Variants in HAPLN1 observed in about 807,000 individuals in gnomAD.
HAPLN1 encodes the protein hyaluronan and proteoglycan link protein 1.
HAPLN1 carries 13 observed loss-of-function variants against 36.5 expected under a neutral mutation model. That is an observed-to-expected ratio of 0.36 (90% CI 0.23 to 0.57). HAPLN1 has a LOEUF of 0.57. HAPLN1 is among the 20% of genes least tolerant of loss of function. The pLI is 0.83. For synonymous variants in HAPLN1, 202 were observed against 169.8 expected (o/e 1.19, Z -1.48); for missense variants, 407 against 439.7 (o/e 0.93, Z 0.66).
At chr5:83,684,109 G>T (rs1477483351) in intron 1 of HAPLN1, among the ~76,000 whole-genome samples, 1 of 152,096 alleles carries the variant, frequency 6.6e-6, no homozygotes, top group African/African-American at 2.4e-5. Context: ...CTGAGAATGG[G>T]AGCAATGACT....
At chr5:83,648,818 A>G (rs1038916910) in intron 3 of HAPLN1, among the ~76,000 whole-genome samples, 3 of 152,246 alleles carry the variant, frequency 2.0e-5, no homozygotes, top group East Asian at 3.9e-4. Flanking sequence ...ACGAGAGCTA[A>G]TAAGTGATAA....
intron 1 of HAPLN1, among the ~76,000 whole-genome samples, chr5:83,694,090 C>A (rs1751338420): frequency 6.6e-6 from 1 of 151,690 alleles, no homozygotes; most frequent in South Asian, 2.1e-4. Flanking sequence ...TTACGTGAGG[C>A]AAAATATATT....
In HAPLN1 at chr5:83,660,792, C is replaced by A. The variant is rs553067042; in HGVS notation, c.101-7968G>T. Among the ~76,000 whole-genome samples, 175 of 152,100 alleles carry A rather than the reference C, an allele frequency of 1.2e-3. 2 individuals carry two copies. The highest frequency in any genetic ancestry group is 1.7e-3 in the Non-Finnish European group (118 of 68,032). Reference sequence around the variant, plus strand: ...ATATCTCTTACATTGTGTCACTTAACCTTTCTGTACCTCAGTTTCCTCATC... The same window carrying A: ...ATATCTCTTACATTGTGTCACTTAAACTTTCTGTACCTCAGTTTCCTCATC... On this transcript the variant is annotated intron_variant, in intron 2 of 4. Transcript: ENST00000274341.
chr5:83,665,745 TAG>T (rs1172523767), intron 2 of HAPLN1, among the ~76,000 whole-genome samples: 1 of 152,180 alleles, frequency 6.6e-6, no homozygotes, highest in Non-Finnish European at 1.5e-5. Flanking sequence ...TTGGAAAAGG[TAG>T]AGAGAATTCT....
At chr5:83,710,190 G>A (rs181406163) in intron 1 of HAPLN1, among the ~76,000 whole-genome samples, 1 of 152,308 alleles carries the variant, frequency 6.6e-6, no homozygotes, top group Admixed American at 6.5e-5. Context: ...GTAGATGGAA[G>A]TGCACAGGGA....
At chr5:83,699,253 A>G (rs1015082419) in intron 1 of HAPLN1, among the ~76,000 whole-genome samples, 2 of 152,064 alleles carry the variant, frequency 1.3e-5, no homozygotes, top group African/African-American at 4.8e-5. Context: ...ATTTTTCTCA[A>G]ATGTGTCCAG....
chr5:83,681,273 A>G (rs1483308114), intron 1 of HAPLN1, among the ~76,000 whole-genome samples: 1 of 152,146 alleles, frequency 6.6e-6, no homozygotes, highest in African/African-American at 2.4e-5. Flanking sequence ...TCCCTAGTGA[A>G]TTGGAATTTA....
chr5:83,665,113 C>T (rs1300339028), intron 2 of HAPLN1, among the ~76,000 whole-genome samples: 1 of 151,756 alleles, frequency 6.6e-6, no homozygotes, highest in Admixed American at 6.6e-5. Context: ...CCATATAATA[C>T]TGGAGAAGAA....
chr5:83,640,547 A>T lies in HAPLN1; in HGVS notation c.*949T>A, dbSNP rs1287977941. On this transcript the variant is annotated 3_prime_UTR_variant, in exon 5 of 5. Transcript: ENST00000274341. ...AATGTAATTGATTTTCATATAATGT[A>T]AATATGAAATATTAAATCAGTTTAA... is the stretch of plus-strand genomic sequence containing the variant. 1 of 152,216 alleles carries T rather than the reference A, an allele frequency of 6.6e-6. No homozygotes were observed. Among genetic ancestry groups the T allele is most frequent in the Non-Finnish European group, 1.5e-5 (1 of 68,028 alleles). 9.4% of individuals were successfully genotyped at this position (152,216 alleles called of 1,614,324 possible).
intron 1 of HAPLN1, chr5:83,682,428 T>G: frequency 6.6e-6 from 1 of 152,320 alleles, no homozygotes; most frequent in Middle Eastern, 3.4e-3. Flanking sequence ...TTTATGATCA[T>G]CGATTTACTG....
At chr5:83,712,581 C>T (rs957507665) in intron 1 of HAPLN1, among the ~76,000 whole-genome samples, 1 of 151,816 alleles carries the variant, frequency 6.6e-6, no homozygotes, top group African/African-American at 2.4e-5. Context: ...ATATATTTAT[C>T]TCGCTAGTAA....
Position 83,678,290 on chromosome 5 carries a change from G to GCATA in HAPLN1, c.-26-4745_-26-4742dup, listed in dbSNP as rs1399741287. Among the ~76,000 whole-genome samples, 3 of 151,070 alleles carry GCATA rather than the reference G, an allele frequency of 2.0e-5. No homozygotes were observed. The East Asian group carries it at 5.8e-4, about 29-fold the overall frequency. On this transcript the variant is annotated intron_variant, in intron 1 of 4. Coordinates refer to ENST00000274341, the MANE Select transcript of HAPLN1 (RefSeq NM_001884.4). ...TTACTTTAAAACACTGGAAATGAAT[G>GCATA]CATATAACATATTAGTTATTTTCTA...
intron 2 of HAPLN1, among the ~76,000 whole-genome samples, chr5:83,669,077 T>C (rs1310902321): frequency 6.6e-6 from 1 of 152,260 alleles, no homozygotes; most frequent in Non-Finnish European, 1.5e-5. Context: ...GGAGTTCCTC[T>C]TGTTCTGCCT....
intron 2 of HAPLN1, among the ~76,000 whole-genome samples, chr5:83,664,155 T>G (rs1322978338): frequency 6.6e-6 from 1 of 152,140 alleles, no homozygotes; most frequent in Non-Finnish European, 1.5e-5. Context: ...TTCTTTCGGT[T>G]TGAAAGCATC....
Position 83,638,286 on chromosome 5 carries a change from T to A in HAPLN1, c.*3210A>T, listed in dbSNP as rs1052187063. 1 of 152,012 alleles carries A rather than the reference T, an allele frequency of 6.6e-6. No homozygotes were observed. Among genetic ancestry groups the A allele is most frequent in the African/African-American group, 2.4e-5 (1 of 41,426 alleles). 9.4% of individuals were successfully genotyped at this position (152,012 alleles called of 1,614,324 possible). ...TTTTTTTTTTGGTAATACAGATTGA[T>A]TCTTCTCCTCAAAGTTATACTTGAT... On this transcript the variant is annotated 3_prime_UTR_variant, in exon 5 of 5. Transcript: ENST00000274341.
At chr5:83,700,632 A>G (rs138673184) in intron 1 of HAPLN1, among the ~76,000 whole-genome samples, 1 of 149,748 alleles carries the variant, frequency 6.7e-6, no homozygotes, top group African/African-American at 2.5e-5. Context: ...TATGTCTCAA[A>G]CTCTCCTTTC....
At chr5:83,710,823 C>T (rs1432233395) in intron 1 of HAPLN1, among the ~76,000 whole-genome samples, 5 of 151,908 alleles carry the variant, frequency 3.3e-5, no homozygotes, top group African/African-American at 4.8e-5. Context: ...TGGTGGCAGG[C>T]GCCTGTAGTC....
intron 1 of HAPLN1, among the ~76,000 whole-genome samples, chr5:83,682,004 G>C (rs1751015582): frequency 6.6e-6 from 1 of 152,028 alleles, no homozygotes; most frequent in Non-Finnish European, 1.5e-5. Flanking sequence ...GGTTTATATG[G>C]GTAGGAAATC....
At position 83,659,447 on chromosome 5, in the gene HAPLN1, CT is replaced by C. The variant is rs1324811330; in HGVS notation, c.101-6624del. ...TATATCTGAAAGTATTCACAAGAAA[CT>C]AACAGCCTTGGTAGACTATGAGAAG... On this transcript the variant is annotated intron_variant, in intron 2 of 4. Transcript: ENST00000274341. Among the ~76,000 whole-genome samples the C allele has an allele frequency of 1.4e-4, 21 of 152,238 alleles. No homozygotes were observed. In the East Asian group the frequency reaches 3.7e-3, roughly 27 times the overall value.
Sources: gnomAD v4.1 joint callset for allele counts (sites outside exome capture counted in the v4.1 genomes callset) on GRCh38, gnomAD v4.1.1 for gene constraint, MANE v1.5 for transcripts, NCBI Gene and HGNC (gene_info 2026-07-23, HGNC 2026-07-21) for gene names.